COQ6: variants seen among roughly 807,000 people sequenced by gnomAD.
The protein encoded by COQ6 is ubiquinone biosynthesis monooxygenase COQ6, mitochondrial.
COQ6 carries 45 observed loss-of-function variants against 55.5 expected under a neutral mutation model. The observed-to-expected ratio is 0.81, with a 90% CI of 0.64 to 1.04. COQ6 has a LOEUF of 1.04. COQ6 is among the 50% of genes least tolerant of loss of function. COQ6 has a pLI of 0.00. For synonymous variants in COQ6, 206 were observed against 230.5 expected (o/e 0.89, Z 0.96); for missense variants, 550 against 601.3 (o/e 0.91, Z 0.89).
chr14:73,959,547 T>C, intron 8 of COQ6, 25 bp downstream of exon 8: 5 of 1,613,834 alleles, frequency 3.1e-6, no homozygotes, highest in Non-Finnish European at 3.4e-6. Flanking sequence ...ACCCAGCTGA[T>C]GATGTGCTGC....
Position 73,961,585 on chromosome 14 carries a change from A to T in COQ6, c.1210+15A>T. 6.2e-7 allele frequency: 1 copy of T among 1,613,246 alleles called. No homozygotes were observed. The highest frequency in any genetic ancestry group is 2.2e-5 in the East Asian group (1 of 44,878). On this transcript the variant is annotated intron_variant, in intron 10 of 11. Coordinates refer to ENST00000334571, the MANE Select transcript of COQ6 (RefSeq NM_182476.3). ...GAAGGACTTAGGTAAGGATTCAGAT[A>T]CTATGGGGAAGTATCCAGAGGTCAT...
At chr14:73,950,658 T>A in intron 1 of COQ6, 163 bp downstream of exon 1, 3 of 1,128,848 alleles carry the variant, frequency 2.7e-6, no homozygotes, top group Non-Finnish European at 3.7e-6. Flanking sequence ...GGAATGCGTG[T>A]GGTCCTTCAG....
At chr14:73,953,004 T>A (rs891360730) in intron 1 of COQ6, among the ~76,000 whole-genome samples, 7 of 152,226 alleles carry the variant, frequency 4.6e-5, no homozygotes, top group Admixed American at 4.6e-4. Context: ...TATTCTTGGT[T>A]TAATCTTGAG....
Position 73,961,196 on chromosome 14 carries a change from C to T in COQ6, c.915C>T (p.Asp305=). The change falls in exon 9 of 12, where the codon GAC becomes GAT. Residue 305 remains aspartate (D), a synonymous_variant. Coordinates refer to ENST00000334571, the MANE Select transcript of COQ6 (RefSeq NM_182476.3). ...SAFWSDADHT[D]FIDTAGAMLQ... ...AGTGGAGTGATGCTGACCACACGGACTTCATCGACACAGCTGGTGCCATGC... is the reference window on the plus strand; with the variant it reads ...AGTGGAGTGATGCTGACCACACGGATTTCATCGACACAGCTGGTGCCATGC... The T allele has an allele frequency of 6.2e-7, 1 of 1,613,952 alleles. No individual in the cohort carries two copies. The highest frequency in any genetic ancestry group is 8.5e-7 in the Non-Finnish European group (1 of 1,179,972).
intron 10 of COQ6, 77 bp from the exon 11 acceptor site, chr14:73,961,660 A>G: frequency 6.2e-7 from 1 of 1,606,082 alleles, no homozygotes. Flanking sequence ...GTGGACATAA[A>G]ATATATCTGG....
chr14:73,961,935 A>G, intron 11 of COQ6, 32 bp downstream of exon 11: 4 of 1,612,384 alleles, frequency 2.5e-6, no homozygotes, highest in Non-Finnish European at 3.4e-6. Context: ...TGACTTTGCA[A>G]ACAGCTCTTA....
chr14:73,959,620 C>G, intron 8 of COQ6, 98 bp downstream of exon 8: 1 of 1,579,866 alleles, frequency 6.3e-7, no homozygotes, highest in Non-Finnish European at 8.6e-7. Context: ...CAGGCTGGAG[C>G]GCAGTGGCGC....
Position 73,950,318 on chromosome 14 carries a change from G to T in COQ6, c.-15G>T. 6.5e-7 allele frequency: 1 copy of T among 1,546,720 alleles called. No individual in the cohort carries two copies. ...GCCTGCGGGAGTTCTGAGTGCGACG[G>T]CGCAGGTCTGCACCATGGCGGCCCG... On this transcript the variant is annotated 5_prime_UTR_variant, in exon 1 of 12. Transcript: ENST00000334571.
At chr14:73,961,434 T>C (rs565937205) in intron 9 of COQ6, 21 bp from the exon 10 acceptor site, 1 of 1,614,230 alleles carries the variant, frequency 6.2e-7, no homozygotes, top group East Asian at 2.2e-5. Flanking sequence ...AGGTCACACC[T>C]GAACTCTGCT....
upstream of COQ6, chr14:73,950,155 C>G (rs745550952): frequency 6.3e-7 from 1 of 1,588,590 alleles, no homozygotes; most frequent in Non-Finnish European, 8.5e-7. Flanking sequence ...GGGCAGCCTC[C>G]GATCCATCCC....
Position 73,961,834 on chromosome 14 carries a change from C to T in COQ6, c.1308C>T (p.Thr436=), listed in dbSNP as rs2056751020. The change falls in exon 11 of 12, where the codon ACC becomes ACT. Residue 436 remains threonine (T), a synonymous_variant. Coordinates refer to ENST00000334571, the MANE Select transcript of COQ6 (RefSeq NM_182476.3). ...ACTTACTAAAAAGGCTCTATTCTAC[C>T]AGTGCCTCCCCGCTTGTGTTGCTCA... The part of the protein sequence containing the change: ...ATDLLKRLYS[T]SASPLVLLRT... The T allele has an allele frequency of 6.2e-7, 1 of 1,614,064 alleles. No individual in the cohort carries two copies. Among genetic ancestry groups the T allele is most frequent in the African/African-American group, 1.3e-5 (1 of 74,934 alleles).
At chr14:73,954,949 A>ATT (rs1446614095) in intron 2 of COQ6, among the ~76,000 whole-genome samples, 3 of 91,728 alleles carry the variant, frequency 3.3e-5, no homozygotes, top group Non-Finnish European at 6.4e-5. Context: ...TTTTTTTTTT[A>ATT]TTTTATTTTT....
At position 73,963,075 on chromosome 14, in the gene COQ6, G is replaced by C; in HGVS notation, c.*76G>C. The C allele has an allele frequency of 8.4e-7, 1 of 1,195,812 alleles. No homozygotes were observed. Among genetic ancestry groups the C allele is most frequent in the Non-Finnish European group, 1.2e-6 (1 of 800,534 alleles). 74.1% of individuals were successfully genotyped at this position (1,195,812 alleles called of 1,614,324 possible). On this transcript the variant is annotated 3_prime_UTR_variant, in exon 12 of 12. Transcript: ENST00000334571. ...CAGGACCCATCATACATATTTTCAAGATCTTATTTAATTTAATAAACTTAC... is the reference window on the plus strand; with the variant it reads ...CAGGACCCATCATACATATTTTCAACATCTTATTTAATTTAATAAACTTAC...
rs371260604 is a variant in COQ6, at chr14:73,959,223, C to T, written c.782C>T (p.Pro261Leu). The T allele has an allele frequency of 9.4e-5, 151 of 1,614,094 alleles. No individual in the cohort carries two copies. Among genetic ancestry groups the T allele is most frequent in the Non-Finnish European group, 1.2e-4 (137 of 1,180,048 alleles). The change falls in exon 7 of 12, where the codon CCG becomes CTG. Residue 261 changes from proline to leucine, a missense_variant and splice_region_variant. Transcript: ENST00000334571. Reference protein sequence around the residue: ...FLPSGPIALLPLSDTLSSLVW... With the variant: ...FLPSGPIALLLLSDTLSSLVW... ...CCCTCTGGGCCTATTGCTCTGCTCCCGGTAAGAGGTCCTTCTGACCAGTCC... is the reference window on the plus strand; with the variant it reads ...CCCTCTGGGCCTATTGCTCTGCTCCTGGTAAGAGGTCCTTCTGACCAGTCC...
intron 8 of COQ6, chr14:73,960,164 G>C: frequency 6.1e-6 from 6 of 988,136 alleles, no homozygotes; most frequent in Non-Finnish European, 7.2e-6. Flanking sequence ...TTCATTGAAA[G>C]TATTCCTAGG....
Position 73,962,624 on chromosome 14 carries a change from C to G in COQ6, c.1378-346C>G, listed in dbSNP as rs1594819959. ...TGTTTAAGCTCCTTTTGCTGCTTGA[C>G]TAGTTTCATCCCTGAGAACTTCCAT... On this transcript the variant is annotated intron_variant, in intron 11 of 11. Coordinates refer to ENST00000334571, the MANE Select transcript of COQ6 (RefSeq NM_182476.3). The G allele has an allele frequency of 1.8e-5, 4 of 219,236 alleles. No individual in the cohort carries two copies. In the East Asian group the frequency reaches 4.3e-4, roughly 24 times the overall value. The allele number at this position is 219,236 out of a possible 1,614,324, so 13.6% of individuals were successfully genotyped here. A position where few individuals can be genotyped will look rare whatever the true frequency, so the allele number is the denominator to read the frequency against.
At position 73,961,176 on chromosome 14, in the gene COQ6, A is replaced by G; in HGVS notation, c.895A>G (p.Ser299Gly). ...FVDAVNSAFWSDADHTDFIDT... is the reference protein window; with the variant it reads ...FVDAVNSAFWGDADHTDFIDT... ...TCTTGTGGCTGATGCTGCTCAGTGG[A>G]GTGATGCTGACCACACGGACTTCAT... Residue 299 changes from serine to glycine, a missense_variant, in exon 9 of 12, where the codon AGT becomes GGT. Coordinates refer to ENST00000334571, the MANE Select transcript of COQ6 (RefSeq NM_182476.3). 1.2e-6 allele frequency: 2 copies of G among 1,613,392 alleles called. No individual in the cohort carries two copies. The highest frequency in any genetic ancestry group is 2.2e-5 in the East Asian group (1 of 44,882).
At chr14:73,950,534 G>A in intron 1 of COQ6, 39 bp downstream of exon 1, 3 of 1,569,650 alleles carry the variant, frequency 1.9e-6, no homozygotes, top group South Asian at 1.2e-5. Flanking sequence ...CGGAAACCGG[G>A]CCGCGGAGGC....
Position 73,955,514 on chromosome 14 carries a change from C to G in COQ6, c.357+5C>G. 1 of 1,613,488 alleles carries G rather than the reference C, an allele frequency of 6.2e-7. No individual in the cohort carries two copies. The highest frequency in any genetic ancestry group is 8.5e-7 in the Non-Finnish European group (1 of 1,179,500). On this transcript the variant is annotated splice_donor_5th_base_variant and intron_variant, in intron 3 of 11. Transcript: ENST00000334571. ...AGAGCCTTTCGGCGAATGCAGGTGC[C>G]CCTTTATCTTTTCAATTTTGTCAAG...
Sources: allele counts gnomAD v4.1 joint callset (sites outside exome capture counted in the v4.1 genomes callset), GRCh38; gene constraint gnomAD v4.1.1; transcripts MANE v1.5; gene names NCBI Gene and HGNC (gene_info 2026-07-23, HGNC 2026-07-21).